Variants in ATF1 observed in about 807,000 individuals in gnomAD.
ATF1 encodes the protein activating transcription factor 1.
Under a neutral mutation model 34.7 loss-of-function variants are expected in ATF1, and 16 were observed. That is an observed-to-expected ratio of 0.46 (90% confidence interval 0.31 to 0.70). The LOEUF (loss-of-function observed/expected upper bound fraction) is 0.70, where lower values mean the gene tolerates loss of function less well. Ranked by LOEUF, ATF1 falls within the 30% of genes least tolerant of loss-of-function variation. The probability of loss-of-function intolerance (pLI) is 0.05; values close to 1 mark genes in which losing one functional copy is unlikely to be tolerated. For synonymous variants in ATF1, 105 were observed against 113.1 expected (o/e 0.93, Z 0.46); for missense variants, 255 against 321.6 (o/e 0.79, Z 1.58).
intron 2 of ATF1, among the ~76,000 whole-genome samples, chr12:50,789,083 GT>G (rs986277342): frequency 7.8e-4 from 113 of 145,548 alleles, no homozygotes; most frequent in Non-Finnish European, 1.3e-3. Context: ...TTTTTTTGTT[GT>G]TTTTTTTTTT....
At chr12:50,807,035 CTG>C (rs1247098714) in intron 3 of ATF1, among the ~76,000 whole-genome samples, 1 of 152,160 alleles carries the variant, frequency 6.6e-6, no homozygotes. Context: ...CGTGAAAAAA[CTG>C]AAAGTATTTG....
intron 2 of ATF1, among the ~76,000 whole-genome samples, chr12:50,787,621 G>T (rs1251689544): frequency 6.6e-6 from 1 of 151,882 alleles, no homozygotes; most frequent in African/African-American, 2.4e-5. Flanking sequence ...CACACCCTGT[G>T]GTCCCAGCTA....
intron 6 of ATF1, among the ~76,000 whole-genome samples, chr12:50,815,706 T>C (rs1337045579): frequency 1.3e-5 from 2 of 151,964 alleles, no homozygotes; most frequent in Non-Finnish European, 2.9e-5. Context: ...AAATTTAAAA[T>C]TAGCTAGTAC....
At position 50,780,250 on chromosome 12, in the gene ATF1, A is replaced by G; in HGVS notation, c.93+12A>G. On this transcript the variant is annotated intron_variant, in intron 2 of 6. Coordinates refer to ENST00000262053, the MANE Select transcript of ATF1 (RefSeq NM_005171.5). Reference sequence around the variant, plus strand: ...ATATTGCTCAACAGGTAAGGGAGGGACTGGCCAAAATACTGAGCTTGTTAG... The same window carrying G: ...ATATTGCTCAACAGGTAAGGGAGGGGCTGGCCAAAATACTGAGCTTGTTAG... 1.3e-6 allele frequency: 2 copies of G among 1,575,040 alleles called. No individual in the cohort carries two copies. The highest frequency in any genetic ancestry group is 1.7e-6 in the Non-Finnish European group (2 of 1,146,556).
At chr12:50,819,591 T>A (rs1344778169) in intron 6 of ATF1, 44 bp from the exon 7 acceptor site, 1 of 1,593,558 alleles carries the variant, frequency 6.3e-7, no homozygotes. Context: ...ATTTAAAGAA[T>A]GTGAAGTTTT....
At chr12:50,815,604 G>A (rs1474644388) in intron 6 of ATF1, among the ~76,000 whole-genome samples, 2 of 151,146 alleles carry the variant, frequency 1.3e-5, no homozygotes, top group African/African-American at 4.9e-5. Context: ...GCTTAGGCTG[G>A]TCTCAGACCT....
rs752721786 is a variant in ATF1, at chr12:50,780,202, A to G, written c.57A>G (p.Ala19=). 6.2e-7 allele frequency: 1 copy of G among 1,613,974 alleles called. No homozygotes were observed. The highest frequency in any genetic ancestry group is 8.5e-7 in the Non-Finnish European group (1 of 1,179,870). ...AGACAGCACCTCAACCTGGTTCAGC[A>G]GTTCAGGGAGCTCACATTTCTCATA... The part of the protein sequence containing the change: ...TSETAPQPGS[A]VQGAHISHIA... Residue 19 remains alanine, a synonymous_variant, in exon 2 of 7, where the codon GCA becomes GCG. Transcript: ENST00000262053.
chr12:50,785,996 C>T (rs1216117749), intron 2 of ATF1, among the ~76,000 whole-genome samples: 2 of 152,208 alleles, frequency 1.3e-5, no homozygotes, highest in Non-Finnish European at 2.9e-5. Context: ...GTCCCTCCCA[C>T]TCTCAAGGGG....
intron 3 of ATF1, among the ~76,000 whole-genome samples, chr12:50,800,064 C>G (rs543722027): frequency 2.0e-5 from 3 of 152,314 alleles, no homozygotes; most frequent in East Asian, 3.9e-4. Flanking sequence ...TTACCATAAT[C>G]AAACTGCTGA....
Position 50,809,466 on chromosome 12 carries a change from A to G in ATF1, c.205A>G (p.Lys69Glu). 4 of 1,611,774 alleles carry G rather than the reference A, an allele frequency of 2.5e-6. No homozygotes were observed. Among genetic ancestry groups the G allele is most frequent in the Non-Finnish European group, 2.5e-6 (3 of 1,178,850 alleles). ...ARRPSYRKIL[K>E]DLSSEDTRGR... is the part of the protein sequence containing the mutation. ...TGGTTTTTTTTACAGAAAAATTTTG[A>G]AAGACTTATCTTCTGAAGATACACG... The change falls in exon 4 of 7, where the codon AAA (lysine) becomes GAA (glutamate). Residue 69 changes from lysine to glutamate, a missense_variant. Physicochemically the swap from Lys to Glu is moderately conservative, Grantham distance 56. Transcript: ENST00000262053.
At chr12:50,808,304 G>C (rs1182637230) in intron 3 of ATF1, among the ~76,000 whole-genome samples, 5 of 151,750 alleles carry the variant, frequency 3.3e-5, no homozygotes, top group Admixed American at 6.6e-5. Context: ...TTCGTTTGGA[G>C]AACTGTTTTA....
In ATF1 at chr12:50,819,840, A is replaced by T. The variant is rs1041892983; in HGVS notation, c.*61A>T. 2.9e-6 allele frequency: 4 copies of T among 1,357,810 alleles called. No homozygotes were observed. The Admixed American group carries it at 9.6e-5, about 33-fold the overall frequency. 84.1% of individuals were successfully genotyped at this position (1,357,810 alleles called of 1,614,324 possible). Reference sequence around the variant, plus strand: ...AAAAATTAAATGGATTTCCTAGTGGAGTTTTATAAATTAAAAGGTCAAAAC... The same window carrying T: ...AAAAATTAAATGGATTTCCTAGTGGTGTTTTATAAATTAAAAGGTCAAAAC... On this transcript the variant is annotated 3_prime_UTR_variant, in exon 7 of 7. Coordinates refer to ENST00000262053, the MANE Select transcript of ATF1 (RefSeq NM_005171.5).
chr12:50,770,010 C>A (rs1940733303), intron 1 of ATF1, among the ~76,000 whole-genome samples: 1 of 152,070 alleles, frequency 6.6e-6, no homozygotes, highest in African/African-American at 2.4e-5. Context: ...TGTTGCTGAT[C>A]CTTTGTTTTG....
chr12:50,814,003 A>G lies in ATF1; in HGVS notation c.329-7A>G. On this transcript the variant is annotated splice_region_variant and splice_polypyrimidine_tract_variant and intron_variant, in intron 4 of 6. Transcript: ENST00000262053. ...TTACAATAGCTATTTTCTCTTTTTGATTAAAGTTGCCATTGCCCCAAATGG... is the reference window on the plus strand; with the variant it reads ...TTACAATAGCTATTTTCTCTTTTTGGTTAAAGTTGCCATTGCCCCAAATGG... 1 of 1,606,388 alleles carries G rather than the reference A, an allele frequency of 6.2e-7. No homozygotes were observed. Among genetic ancestry groups the G allele is most frequent in the South Asian group, 1.1e-5 (1 of 89,662 alleles).
At chr12:50,785,146 G>C (rs867624857) in intron 2 of ATF1, among the ~76,000 whole-genome samples, 3 of 150,124 alleles carry the variant, frequency 2.0e-5, no homozygotes, top group Admixed American at 6.7e-5. Context: ...CTTGACCCGG[G>C]CGTGGTAGTG....
intron 1 of ATF1, among the ~76,000 whole-genome samples, chr12:50,778,992 G>A (rs923460186): frequency 2.6e-5 from 4 of 152,110 alleles, no homozygotes; most frequent in African/African-American, 7.2e-5. Flanking sequence ...CTCTAGATAC[G>A]TCAAGTTAGT....
chr12:50,768,463 A>G (rs1940692676), intron 1 of ATF1, among the ~76,000 whole-genome samples: 1 of 152,238 alleles, frequency 6.6e-6, no homozygotes, highest in Non-Finnish European at 1.5e-5. Context: ...ACTCCTTGGG[A>G]AAAACAAGAG....
intron 2 of ATF1, among the ~76,000 whole-genome samples, chr12:50,783,123 T>C (rs991096126): frequency 6.6e-6 from 1 of 152,222 alleles, no homozygotes; most frequent in African/African-American, 2.4e-5. Flanking sequence ...TGGATTGTTA[T>C]TGTATTTTGA....
chr12:50,783,393 A>T lies in ATF1; in HGVS notation c.93+3155A>T, dbSNP rs543122171. ...AAAAATAAGGTGGAGTCTTTCTTTG[A>T]TTATTTTTCTGTTAATAGAGCACTT... On this transcript the variant is annotated intron_variant, in intron 2 of 6. Transcript: ENST00000262053. Among the ~76,000 whole-genome samples the T allele has an allele frequency of 2.0e-5, 3 of 152,180 alleles. No homozygotes were observed. The East Asian group carries it at 5.8e-4, about 29-fold the overall frequency.
Sources: allele counts gnomAD v4.1 joint callset (sites outside exome capture counted in the v4.1 genomes callset), GRCh38; gene constraint gnomAD v4.1.1; transcripts MANE v1.5; gene names NCBI Gene and HGNC (gene_info 2026-07-23, HGNC 2026-07-21).